The following PPM1F variants were observed in gnomAD, a reference collection of about 807,000 sequenced individuals.
PPM1F encodes protein phosphatase, Mg2+/Mn2+ dependent 1F.
A neutral mutation model predicts 35.5 loss-of-function variants in PPM1F; 17 were observed. That is an observed-to-expected ratio of 0.48 (90% CI 0.33 to 0.72). PPM1F has a LOEUF of 0.72. Among genes scored for constraint, PPM1F ranks in the 30% least tolerant of loss-of-function variants. The pLI is 0.02. For synonymous variants in PPM1F, 241 were observed against 255.5 expected, an observed-to-expected ratio of 0.94 and a Z score of 0.54; for missense variants, 521 against 613.0, an observed-to-expected ratio of 0.85 and a Z score of 1.59.
intron 5 of PPM1F, among the ~76,000 whole-genome samples, chr22:21,931,563 G>C (rs2070590917): frequency 6.6e-6 from 1 of 151,662 alleles, no homozygotes; most frequent in South Asian, 2.1e-4. Flanking sequence ...TTCAGGCTGG[G>C]CTGCAGTGGC....
At chr22:21,943,089 T>C (rs2070742561) in intron 2 of PPM1F, 1 of 152,324 alleles carries the variant, frequency 6.6e-6, no homozygotes, top group Non-Finnish European at 1.5e-5. Flanking sequence ...CCCTGTGGAC[T>C]GGATGTTCTG....
In PPM1F at chr22:21,922,904, C is replaced by T; in HGVS notation, c.*188G>A. 4.2e-6 allele frequency: 3 copies of T among 718,834 alleles called. No homozygotes were observed. The highest frequency in any genetic ancestry group is 6.9e-6 in the Non-Finnish European group (3 of 434,562). The allele number at this position is 718,834 out of a possible 1,614,324, so 44.5% of individuals were successfully genotyped here. A position where few individuals can be genotyped will look rare whatever the true frequency, so the allele number is the denominator to read the frequency against. ...TAAGCTGCCTTCCACCATCTGCCCG[C>T]CACCCAGTGCAGTTCCACAGCCACC... is the stretch of plus-strand genomic sequence containing the variant. On this transcript the variant is annotated 3_prime_UTR_variant, in exon 8 of 8. Transcript: ENST00000263212.
At chr22:21,951,257 A>G (rs381523) in intron 1 of PPM1F, 69,352 of 151,256 alleles carry the variant, frequency 0.46, 16,271 homozygotes, top group African/African-American at 0.55. Context: ...GGCGGGTGGC[A>G]TGGGCTGAGG....
chr22:21,933,787 T>TGAG (rs529691609), intron 4 of PPM1F, among the ~76,000 whole-genome samples: 22 of 152,246 alleles, frequency 1.4e-4, no homozygotes, highest in African/African-American at 4.8e-4. Context: ...AAGCATAAAA[T>TGAG]GAGGGGCTGC....
At chr22:21,950,839 G>C (rs753549698) in intron 1 of PPM1F, 1 of 151,734 alleles carries the variant, frequency 6.6e-6, no homozygotes, top group Non-Finnish European at 1.5e-5. Context: ...TGGCCAGGCT[G>C]GTCTCGAACT....
intron 6 of PPM1F, among the ~76,000 whole-genome samples, chr22:21,927,354 A>C (rs370768973): frequency 5.4e-4 from 82 of 152,356 alleles, no homozygotes; most frequent in Middle Eastern, 3.4e-3. Context: ...CTGCAGAGGA[A>C]GCAGCGCCTC....
At chr22:21,946,218 A>T in intron 1 of PPM1F, 110 bp from the exon 2 acceptor site, 1 of 516,954 alleles carries the variant, frequency 1.9e-6, no homozygotes, top group Middle Eastern at 5.1e-4. Flanking sequence ...GTTCAGGGCC[A>T]CTAGAGGGTG....
intron 6 of PPM1F, among the ~76,000 whole-genome samples, chr22:21,928,671 C>G (rs1396239860): frequency 6.6e-6 from 1 of 152,196 alleles, no homozygotes; most frequent in Non-Finnish European, 1.5e-5. Context: ...CAGCCTCAAC[C>G]TCTAGGGCTC....
Position 21,923,101 on chromosome 22 carries a change from T to C in PPM1F, c.1356A>G (p.Pro452=). The change falls in exon 8 of 8, where the codon CCA becomes CCG. Residue 452 remains proline (P), a synonymous_variant. Coordinates refer to ENST00000263212, the MANE Select transcript of PPM1F (RefSeq NM_014634.4). Reference sequence around the variant, plus strand: ...GGGGCCTGGAAACCACCTAGCTTCTTGGTGGAGCCTGGGTCTCAGGTTCTG... The same window carrying C: ...GGGGCCTGGAAACCACCTAGCTTCTCGGTGGAGCCTGGGTCTCAGGTTCTG... ...SLPEPETQAP[P]RS 1.2e-6 allele frequency: 2 copies of C among 1,600,864 alleles called. No individual in the cohort carries two copies. Among genetic ancestry groups the C allele is most frequent in the Non-Finnish European group, 1.7e-6 (2 of 1,174,226 alleles).
Position 21,923,124 on chromosome 22 carries a change from C to G in PPM1F, c.1333G>C (p.Glu445Gln), listed in dbSNP as rs1215102478. 12 of 1,611,902 alleles carry G rather than the reference C, an allele frequency of 7.4e-6. No homozygotes were observed. The highest frequency in any genetic ancestry group is 1.3e-5 in the African/African-American group (1 of 74,868). Residue 445 changes from glutamate (E) to glutamine (Q), a missense_variant, in exon 8 of 8, where the codon GAA (glutamate) becomes CAA (glutamine). Glu to Gln is a conservative substitution (Grantham distance 29). Transcript: ENST00000263212. ...RRQDLPSSLP[E>Q]PETQAPPRS ...CTTGGTGGAGCCTGGGTCTCAGGTT[C>G]TGGAAGGCTGGAGGGCAAGTCCTGC...
At chr22:21,941,971 C>G (rs1451181828) in intron 2 of PPM1F, 1 of 152,300 alleles carries the variant, frequency 6.6e-6, no homozygotes, top group African/African-American at 2.4e-5. Context: ...GGGTCGCTCC[C>G]TCAGTGGCCC....
rs546597226 is a variant in PPM1F, at chr22:21,952,115, G to A, written c.-61+677C>T. On this transcript the variant is annotated intron_variant, in intron 1 of 7. Coordinates refer to ENST00000263212, the MANE Select transcript of PPM1F (RefSeq NM_014634.4). The stretch of plus-strand genomic sequence containing the variant: ...TGGGCCTCACTGTGTGTCAAGCGCT[G>A]TGCCGAAATCCCTGCAGCCGGAGCC... 3 of 152,554 alleles carry A rather than the reference G, an allele frequency of 2.0e-5. No individual in the cohort carries two copies. In the East Asian group the frequency reaches 5.8e-4, roughly 29 times the overall value. The allele number at this position is 152,554 out of a possible 1,614,324, so 9.5% of individuals were successfully genotyped here. A position where few individuals can be genotyped will look rare whatever the true frequency, so the allele number is the denominator to read the frequency against.
chr22:21,927,670 G>A (rs573757633), intron 6 of PPM1F, among the ~76,000 whole-genome samples: 1 of 152,216 alleles, frequency 6.6e-6, no homozygotes, highest in African/African-American at 2.4e-5. Context: ...GGGCAGGAGG[G>A]CACAGGGGCT....
At chr22:21,945,724 A>AC (rs1289629977) in intron 2 of PPM1F, 119 bp downstream of exon 2, 10 of 1,035,862 alleles carry the variant, frequency 9.7e-6, no homozygotes, top group Admixed American at 9.4e-5. Flanking sequence ...CTGCATAGGG[A>AC]TCCGGGGCTG....
In PPM1F at chr22:21,939,536, C is replaced by T. The variant is rs1401869013; in HGVS notation, c.351G>A (p.Val117=). 6.3e-7 allele frequency: 1 copy of T among 1,598,446 alleles called. No individual in the cohort carries two copies. Among genetic ancestry groups the T allele is most frequent in the East Asian group, 2.2e-5 (1 of 44,544 alleles). ...EDDDEEEKAP[V]TLLDAQSLAQ... ...CTCAGAAGAAACAGAACTCACAGGT[C>T]ACAGGGGCCTTTTCCTCCTCGTCAT... Residue 117 remains valine, a synonymous_variant, in exon 3 of 8, where the codon GTG becomes GTA. Coordinates refer to ENST00000263212, the MANE Select transcript of PPM1F (RefSeq NM_014634.4). This position sits in a 1 kb window ranked among gnomAD's most constrained non-coding sequence, Gnocchi z 5.1.
rs1384981789 is a variant in PPM1F at position 21,946,043 on chromosome 22, G to T, written c.6C>A (p.Ser2=). Residue 2 remains serine (S), a synonymous_variant, in exon 2 of 8, where the codon TCC becomes TCA. Transcript: ENST00000263212. The part of the protein sequence containing the change: M[S]SGAPQKSSPM... ...GGCTGCTCTTCTGTGGGGCTCCAGA[G>T]GACATGCCCAAAGCATCCCGGGGGC... 2 of 1,530,462 alleles carry T rather than the reference G, an allele frequency of 1.3e-6. No homozygotes were observed. Among genetic ancestry groups the T allele is most frequent in the South Asian group, 2.5e-5 (2 of 79,576 alleles). The allele number at this position is 1,530,462 out of a possible 1,614,324, so 94.8% of individuals were successfully genotyped here. A position where few individuals can be genotyped will look rare whatever the true frequency, so the allele number is the denominator to read the frequency against.
chr22:21,928,228 A>G (rs567445463), intron 6 of PPM1F, among the ~76,000 whole-genome samples: 4 of 152,154 alleles, frequency 2.6e-5, no homozygotes, highest in Non-Finnish European at 5.9e-5. Flanking sequence ...CTAGGAGTGC[A>G]GTGCTCCACA....
At chr22:21,945,791 C>G in intron 2 of PPM1F, 52 bp downstream of exon 2, 2 of 1,570,268 alleles carry the variant, frequency 1.3e-6, no homozygotes, top group Non-Finnish European at 1.7e-6. Context: ...CCCTTGTCGG[C>G]CCTGGTGCCG....
chr22:21,929,938 C>A (rs773611491), intron 6 of PPM1F, among the ~76,000 whole-genome samples: 5 of 152,154 alleles, frequency 3.3e-5, no homozygotes, highest in Non-Finnish European at 7.3e-5. Context: ...CACAAAGCCT[C>A]CATGTGGCAA....
Sources: allele counts gnomAD v4.1 joint callset (sites outside exome capture counted in the v4.1 genomes callset), GRCh38; gene constraint gnomAD v4.1.1; non-coding constraint Gnocchi (gnomAD v3.1); transcripts MANE v1.5; gene names NCBI Gene and HGNC (gene_info 2026-07-23, HGNC 2026-07-21).